Variants in DHRS12 observed in about 807,000 individuals in gnomAD.
The protein encoded by DHRS12 is dehydrogenase/reductase 12.
A neutral mutation model predicts 32.1 loss-of-function variants in DHRS12; 29 were observed. The ratio of observed to expected loss-of-function variants is 0.90; its 90% CI spans 0.67 to 1.23. The LOEUF is 1.23. DHRS12 is among the 50% of genes most tolerant of loss of function. The probability of loss-of-function intolerance (pLI) is 0.00; values close to 1 mark genes in which losing one functional copy is unlikely to be tolerated. For synonymous variants in DHRS12, 150 were observed against 135.9 expected (o/e 1.10, Z -0.72); for missense variants, 330 against 337.2 (o/e 0.98, Z 0.17).
intron 4 of DHRS12, chr13:51,789,654 TGCAC>T (rs1462634231): frequency 1.0e-6 from 1 of 985,364 alleles, no homozygotes; most frequent in Non-Finnish European, 1.2e-6. Flanking sequence ...GCCCACTGGT[TGCAC>T]CTTCCTCAGC....
chr13:51,772,548 G>A, intron 6 of DHRS12: 4 of 839,648 alleles, frequency 4.8e-6, no homozygotes, highest in Non-Finnish European at 5.7e-6. Flanking sequence ...TCAGGAGGCT[G>A]AGGTAGGAGA....
chr13:51,771,747 G>A, intron 7 of DHRS12, 74 bp downstream of exon 7: 1 of 1,548,252 alleles, frequency 6.5e-7, no homozygotes, highest in Non-Finnish European at 8.9e-7. Flanking sequence ...TTCCTGGGGA[G>A]AGTCAATCCT....
At chr13:51,767,668 C>T (rs1393563809), downstream of DHRS12, 3 of 153,966 alleles carry the variant, frequency 1.9e-5, no homozygotes. Flanking sequence ...TAATCTTAAG[C>T]AAATGTAAAC....
In DHRS12 at chr13:51,774,028, C is replaced by T. The variant is rs145669707; in HGVS notation, c.370G>A (p.Val124Ile). The T allele has an allele frequency of 1.1e-4, 173 of 1,613,530 alleles. No individual in the cohort carries two copies. The highest frequency in any genetic ancestry group is 4.9e-4 in the Middle Eastern group (3 of 6,080). ...TGAACCAACATTCCTCCTGAGGAGACGGTTATCTGCAATAAAGGTAACAGA... is the reference window on the plus strand; with the variant it reads ...TGAACCAACATTCCTCCTGAGGAGATGGTTATCTGCAATAAAGGTAACAGA... ...EKEHDPRVIT[V>I]SSGGMLVQKL... The change falls in exon 6 of 9, where the codon GTC becomes ATC. Residue 124 changes from valine (V) to isoleucine (I), a missense_variant. Val to Ile is a conservative substitution (Grantham distance 29). Transcript: ENST00000444610.
the DHRS12 span, chr13:51,758,236 T>C: frequency 9.4e-6 from 15 of 1,600,400 alleles, no homozygotes; most frequent in African/African-American, 2.7e-5. Context: ...CATAACATTG[T>C]GCATGTGCAT....
intron 8 of DHRS12, 68 bp downstream of exon 8, chr13:51,769,088 C>T (rs1305473629): frequency 1.5e-5 from 23 of 1,544,158 alleles, no homozygotes; most frequent in Admixed American, 5.9e-5. Flanking sequence ...GGGGAAGGTG[C>T]GCCTCGAAGG....
intron 6 of DHRS12, chr13:51,773,000 G>C (rs1488407303): frequency 1.0e-6 from 1 of 985,374 alleles, no homozygotes; most frequent in East Asian, 1.1e-4. Context: ...GGAAGGCGGA[G>C]GGTGCTGGCA....
At chr13:51,767,776 TGGGGCGGGGGG>T (rs1247926267), downstream of DHRS12, 109 of 32,128 alleles carry the variant, frequency 3.4e-3, 4 homozygotes, top group Admixed American at 6.5e-3. Flanking sequence ...AGCCCTCTCC[TGGGGCGGGGGG>T]GGGGGGGGGG....
At chr13:51,781,299 G>A (rs1169394466) in intron 4 of DHRS12, among the ~76,000 whole-genome samples, 6 of 152,190 alleles carry the variant, frequency 3.9e-5, no homozygotes, top group African/African-American at 7.2e-5. Context: ...AGAGTGGTTA[G>A]CGTGAGTCAG....
intron 7 of DHRS12, among the ~76,000 whole-genome samples, chr13:51,769,519 AT>A (rs1953916620): frequency 2.6e-5 from 4 of 152,070 alleles, no homozygotes; most frequent in Non-Finnish European, 5.9e-5. Context: ...CAGAGGCCTG[AT>A]TGAGTCCCCA....
At chr13:51,788,734 G>A (rs926284953) in intron 4 of DHRS12, among the ~76,000 whole-genome samples, 2 of 152,024 alleles carry the variant, frequency 1.3e-5, no homozygotes, top group Admixed American at 1.3e-4. Context: ...GGTGGTACAT[G>A]CCGTAGTCCT....
At chr13:51,797,928 C>T in intron 2 of DHRS12, 1 of 1,535,448 alleles carries the variant, frequency 6.5e-7, no homozygotes, top group Non-Finnish European at 8.7e-7. Context: ...TTCAATGAAA[C>T]CATCTGTGAG....
the DHRS12 span, chr13:51,758,192 A>G: frequency 5.1e-6 from 8 of 1,569,890 alleles, no homozygotes; most frequent in Admixed American, 6.7e-5. Flanking sequence ...CTCCTTCTAG[A>G]CGTGCACCCA....
intron 6 of DHRS12, 150 bp from the exon 7 acceptor site, chr13:51,772,061 CTT>C: frequency 1.4e-6 from 1 of 716,644 alleles, no homozygotes; most frequent in Non-Finnish European, 2.3e-6. Context: ...CAAAATCAGT[CTT>C]TACTCAGCAG....
intron 2 of DHRS12, among the ~76,000 whole-genome samples, chr13:51,794,317 CA>C (rs1955413644): frequency 2.0e-5 from 3 of 152,310 alleles, no homozygotes; most frequent in African/African-American, 7.2e-5. Flanking sequence ...GAGGTGACAT[CA>C]TGGGGACTGA....
chr13:51,764,377 C>T (rs1179377061), downstream of DHRS12: 1 of 152,254 alleles, frequency 6.6e-6, no homozygotes, highest in Non-Finnish European at 1.5e-5. Context: ...ACTTTGAGCT[C>T]AGTGTTAAAG....
At chr13:51,785,354 AC>A (rs1340005275) in intron 4 of DHRS12, among the ~76,000 whole-genome samples, 2 of 151,082 alleles carry the variant, frequency 1.3e-5, no homozygotes, top group Admixed American at 6.6e-5. Context: ...AAAAAAAAAA[AC>A]AAACCCTTGT....
At chr13:51,756,402 T>C in the DHRS12 span, 91 of 1,614,018 alleles carry the variant, frequency 5.6e-5, no homozygotes, top group Middle Eastern at 1.6e-4. Context: ...ATCCCCCTGA[T>C]GGGCTTCGAG....
intron 2 of DHRS12, among the ~76,000 whole-genome samples, chr13:51,793,379 G>A (rs961613237): frequency 5.9e-5 from 9 of 152,212 alleles, no homozygotes; most frequent in Non-Finnish European, 8.8e-5. Context: ...CTTTGACAAA[G>A]CAGAGAAGTT....
Sources: gnomAD v4.1 joint callset for allele counts (sites outside exome capture counted in the v4.1 genomes callset) on GRCh38, gnomAD v4.1.1 for gene constraint, MANE v1.5 for transcripts, NCBI Gene and HGNC (gene_info 2026-07-23, HGNC 2026-07-21) for gene names.